Variants in DCAF8L2 observed in about 807,000 individuals in gnomAD.
The protein encoded by DCAF8L2 is DDB1- and CUL4-associated factor 8-like protein 2.
For missense variants in DCAF8L2, 430 were observed against 490.7 expected, an observed-to-expected ratio of 0.88 and a Z score of 1.17; for synonymous variants, 200 against 190.9, an observed-to-expected ratio of 1.05 and a Z score of -0.39.
the DCAF8L2 span, among the ~76,000 whole-genome samples, chrX:27,523,747 C>T: frequency 2.2e-4 from 24 of 109,280 alleles, no homozygotes; most frequent in Non-Finnish European, 4.4e-4. Flanking sequence ...AGGTATATCT[C>T]CTAATGCTAT....
At chrX:27,526,055 G>A in the DCAF8L2 span, among the ~76,000 whole-genome samples, 2 of 111,399 alleles carry the variant, frequency 1.8e-5, no homozygotes, top group Non-Finnish European at 1.9e-5. Flanking sequence ...TGTATTTCCT[G>A]AATTTGAATG....
At chrX:27,605,976 T>A (rs1303778282) in intron 1 of DCAF8L2, among the ~76,000 whole-genome samples, 2 of 109,384 alleles carry the variant, frequency 1.8e-5, no homozygotes, top group African/African-American at 3.3e-5. Flanking sequence ...TAGCACAGAC[T>A]GACTTAATTT....
At chrX:27,491,683 C>G in the DCAF8L2 span, among the ~76,000 whole-genome samples, 2 of 111,843 alleles carry the variant, frequency 1.8e-5, no homozygotes, top group African/African-American at 6.5e-5. Flanking sequence ...TAACAAAACA[C>G]TCTTCAAATC....
intron 2 of DCAF8L2, among the ~76,000 whole-genome samples, chrX:27,662,056 A>T (rs774224454): frequency 1.8e-5 from 2 of 111,992 alleles, no homozygotes; most frequent in African/African-American, 3.2e-5. Context: ...AATTTCGGCA[A>T]TTTCAAAATA....
the DCAF8L2 span, among the ~76,000 whole-genome samples, chrX:27,582,248 T>TAA: frequency 2.4e-4 from 27 of 112,023 alleles, no homozygotes; most frequent in Non-Finnish European, 4.1e-4. Context: ...TTCCTAAAGT[T>TAA]AACATTTTAC....
At position 27,666,847 on chromosome X, in the gene DCAF8L2, C is replaced by T. The variant is rs187211623; in HGVS notation, c.-219-10989C>T. Among the ~76,000 whole-genome samples the T allele has an allele frequency of 3.0e-4, 33 of 111,709 alleles. No homozygotes were observed. The Middle Eastern group carries it at 0.023, about 79-fold the overall frequency. On this transcript the variant is annotated intron_variant, in intron 2 of 4. Coordinates refer to ENST00000451261, the MANE Select transcript of DCAF8L2 (RefSeq NM_001353450.2). ...TTTCCTTTCATTGTAACATATTATCCACACAAGAGATTAAAGGGGCTCATT... is the reference window on the plus strand; with the variant it reads ...TTTCCTTTCATTGTAACATATTATCTACACAAGAGATTAAAGGGGCTCATT...
At chrX:27,568,072 T>A in the DCAF8L2 span, among the ~76,000 whole-genome samples, 1 of 111,540 alleles carries the variant, frequency 9.0e-6, no homozygotes, top group Non-Finnish European at 1.9e-5. Flanking sequence ...TAGTTTGAGT[T>A]TGGTGACATA....
rs759235834 is a variant in DCAF8L2, at chrX:27,725,102, T to C, written c.-59+8931T>C. On this transcript the variant is annotated intron_variant, in intron 4 of 4. Coordinates refer to ENST00000451261, the MANE Select transcript of DCAF8L2 (RefSeq NM_001353450.2). ...TATTTATAAATTCTTTTTTTAAAAA[T>C]AAGAGACATGATAGTAAGTTGTGGT... 3.5e-4 allele frequency among the ~76,000 whole-genome samples: 26 copies of C among 74,869 alleles called. No homozygotes were observed. The Middle Eastern group carries it at 0.022, about 64-fold the overall frequency. 65.0% of individuals were successfully genotyped at this position (74,869 alleles called of 115,157 possible).
chrX:27,555,672 T>C, the DCAF8L2 span, among the ~76,000 whole-genome samples: 1 of 112,143 alleles, frequency 8.9e-6, no homozygotes, highest in Non-Finnish European at 1.9e-5. Context: ...TTGCAGTGAA[T>C]ACAATGTTAA....
At chrX:27,545,818 G>A in the DCAF8L2 span, among the ~76,000 whole-genome samples, 1 of 111,798 alleles carries the variant, frequency 8.9e-6, no homozygotes, top group Non-Finnish European at 1.9e-5. Context: ...GGGAGCAGGT[G>A]AGAGAGAGAG....
chrX:27,632,593 C>T (rs1043049462), intron 2 of DCAF8L2: 1 of 111,430 alleles, frequency 9.0e-6, no homozygotes, highest in Non-Finnish European at 1.9e-5. Flanking sequence ...TTTGCACTAG[C>T]TGTTTCCTCT....
the DCAF8L2 span, among the ~76,000 whole-genome samples, chrX:27,561,657 T>C: frequency 9.0e-6 from 1 of 111,002 alleles, no homozygotes; most frequent in African/African-American, 3.3e-5. Flanking sequence ...GTTCTGGATA[T>C]AAAATAATAC....
rs996063645 is a variant in DCAF8L2 at position 27,694,304 on chromosome X, C to T, written c.-143+16392C>T. Among the ~76,000 whole-genome samples, 5 of 111,357 alleles carry T rather than the reference C, an allele frequency of 4.5e-5. No homozygotes were observed. The South Asian group carries it at 1.1e-3, about 25-fold the overall frequency. On this transcript the variant is annotated intron_variant, in intron 3 of 4. Transcript: ENST00000451261. ...ATCCATACCTCAAACCTCAGCATCA[C>T]GCAATATTCACTTGTAACAAACCTG...
At chrX:27,499,337 C>T in the DCAF8L2 span, among the ~76,000 whole-genome samples, 1 of 111,968 alleles carries the variant, frequency 8.9e-6, no homozygotes, top group African/African-American at 3.2e-5. Context: ...AGTTGAACAC[C>T]TTTTCATATA....
intron 3 of DCAF8L2, among the ~76,000 whole-genome samples, chrX:27,679,740 C>T (rs1049529966): frequency 1.8e-5 from 2 of 111,413 alleles, no homozygotes; most frequent in Admixed American, 9.6e-5. Flanking sequence ...CTTGATTGCA[C>T]ATTGCCACCT....
chrX:27,625,438 G>A (rs1927962789), intron 1 of DCAF8L2, among the ~76,000 whole-genome samples: 1 of 112,060 alleles, frequency 8.9e-6, no homozygotes, highest in African/African-American at 3.2e-5. Flanking sequence ...AGCCGCTGTG[G>A]AAAGCAGTTT....
chrX:27,507,735 C>G, the DCAF8L2 span, among the ~76,000 whole-genome samples: 2 of 111,122 alleles, frequency 1.8e-5, no homozygotes, highest in East Asian at 5.6e-4. Context: ...ACACAATGCT[C>G]TTGATAAAAT....
chrX:27,702,567 T>G (rs760269868), intron 3 of DCAF8L2, among the ~76,000 whole-genome samples: 1 of 111,195 alleles, frequency 9.0e-6, no homozygotes, highest in African/African-American at 3.2e-5. Flanking sequence ...AGCAATTGAT[T>G]TAATATATCA....
At chrX:27,741,213 T>C (rs757655101) in intron 4 of DCAF8L2, among the ~76,000 whole-genome samples, 223 of 111,742 alleles carry the variant, frequency 2.0e-3, no homozygotes, top group African/African-American at 7.0e-3. Context: ...GAACTGTTCT[T>C]TGCAATGGGT....
Sources: allele counts gnomAD v4.1 joint callset (sites outside exome capture counted in the v4.1 genomes callset), GRCh38; gene constraint gnomAD v4.1.1; transcripts MANE v1.5; gene names NCBI Gene and HGNC (gene_info 2026-07-23, HGNC 2026-07-21).